DLC1: variants seen among roughly 807,000 people sequenced by gnomAD.
DLC1 encodes the protein DLC1 Rho GTPase activating protein.
DLC1 carries 54 observed loss-of-function variants against 140.3 expected under a neutral mutation model. That is an observed-to-expected ratio of 0.38 (90% confidence interval 0.31 to 0.48). DLC1 has a LOEUF of 0.48. Among genes scored for constraint, DLC1 ranks in the 20% least tolerant of loss-of-function variants. The pLI, the probability that DLC1 is intolerant of heterozygous loss-of-function variation, is 0.96. For missense variants in DLC1, 2,536 were observed against 1,907.0 expected (o/e 1.33, Z -6.14); for synonymous variants, 986 against 728.1 (o/e 1.35, Z -5.70).
At chr8:13,601,497 G>T (rs540698297) in intron 1 of DLC1, among the ~76,000 whole-genome samples, 1 of 151,834 alleles carries the variant, frequency 6.6e-6, no homozygotes, top group East Asian at 1.9e-4. Flanking sequence ...CCTTATTTTT[G>T]ATTTCTGGAA....
At chr8:13,246,490 G>T (rs1175987010) in intron 5 of DLC1, among the ~76,000 whole-genome samples, 2 of 152,106 alleles carry the variant, frequency 1.3e-5, no homozygotes, top group African/African-American at 4.8e-5. Context: ...CATTCTTACG[G>T]AGAGAGAAGG....
intron 5 of DLC1, among the ~76,000 whole-genome samples, chr8:13,239,117 TG>T (rs1653690887): frequency 6.6e-6 from 1 of 152,160 alleles, no homozygotes; most frequent in Non-Finnish European, 1.5e-5. Flanking sequence ...TGTGCGTATC[TG>T]GGGTCATAGG....
chr8:13,240,558 T>C (rs926224842), intron 5 of DLC1, among the ~76,000 whole-genome samples: 1 of 152,126 alleles, frequency 6.6e-6, no homozygotes, highest in African/African-American at 2.4e-5. Context: ...CCCAAGTAGC[T>C]GGGACTACAG....
chr8:13,115,804 GA>G, intron 5 of DLC1, 147 bp from the exon 6 acceptor site: 1 of 711,706 alleles, frequency 1.4e-6, no homozygotes, highest in Non-Finnish European at 2.3e-6. Flanking sequence ...CGCTTAATTC[GA>G]ATGGTTTACA....
At chr8:13,355,934 A>G (rs1425453060) in intron 4 of DLC1, among the ~76,000 whole-genome samples, 1 of 151,296 alleles carries the variant, frequency 6.6e-6, no homozygotes, top group East Asian at 2.0e-4. Flanking sequence ...AAAAAAATTC[A>G]AAAAAATTAG....
chr8:13,401,483 C>G lies in DLC1; in HGVS notation c.1160G>C (p.Arg387Pro), dbSNP rs779069462. ...TGGAAAGCTCACAGGAACGTGCCGC[C>G]GCAGGTTTGTTGGTGTGCCTGATGG... Reference protein sequence around the residue: ...SSPSGTPTNLRRHVPDLESGS... With the variant: ...SSPSGTPTNLPRHVPDLESGS... Residue 387 changes from arginine (R) to proline (P), a missense_variant, in exon 3 of 18, where the codon CGG becomes CCG. By Grantham distance (103) the Arg-to-Pro change is moderately radical. Transcript: ENST00000276297. 1.2e-6 allele frequency: 2 copies of G among 1,612,254 alleles called. No individual in the cohort carries two copies. The highest frequency in any genetic ancestry group is 1.7e-6 in the Non-Finnish European group (2 of 1,179,990).
At chr8:13,597,851 T>G (rs751277945) in intron 1 of DLC1, among the ~76,000 whole-genome samples, 10 of 152,144 alleles carry the variant, frequency 6.6e-5, no homozygotes, top group Non-Finnish European at 1.3e-4. Context: ...ATTTTTAATT[T>G]GAATTGCTAC....
At chr8:13,386,724 C>T (rs1836535545) in intron 4 of DLC1, among the ~76,000 whole-genome samples, 2 of 152,018 alleles carry the variant, frequency 1.3e-5, no homozygotes, top group African/African-American at 2.4e-5. Context: ...GAATGAAATC[C>T]TCTGTGCTTT....
At chr8:13,274,020 GA>G (rs1831061072) in intron 5 of DLC1, among the ~76,000 whole-genome samples, 1 of 152,112 alleles carries the variant, frequency 6.6e-6, no homozygotes, top group Non-Finnish European at 1.5e-5. Context: ...ACAACATAAA[GA>G]AAAGGGTTTG....
intron 4 of DLC1, among the ~76,000 whole-genome samples, chr8:13,313,131 C>T (rs1832746540): frequency 1.3e-5 from 2 of 152,160 alleles, no homozygotes; most frequent in South Asian, 4.1e-4. Context: ...TTTTTACTTA[C>T]AGCACTGTTT....
chr8:13,209,594 G>C (rs1436497156), intron 5 of DLC1, among the ~76,000 whole-genome samples: 1 of 152,126 alleles, frequency 6.6e-6, no homozygotes, highest in Admixed American at 6.5e-5. Context: ...AGTGTTGGAG[G>C]TGGGACCTGG....
intron 5 of DLC1, among the ~76,000 whole-genome samples, chr8:13,220,988 T>G (rs1828517159): frequency 6.6e-6 from 1 of 152,024 alleles, no homozygotes; most frequent in Admixed American, 6.6e-5. Flanking sequence ...GGGTGTTAGG[T>G]GATCACATTT....
At chr8:13,156,879 G>C (rs1421106655) in intron 5 of DLC1, among the ~76,000 whole-genome samples, 1 of 152,152 alleles carries the variant, frequency 6.6e-6, no homozygotes, top group Non-Finnish European at 1.5e-5. Context: ...TATTTTCCGA[G>C]AATACATTCG....
intron 2 of DLC1, among the ~76,000 whole-genome samples, chr8:13,416,434 C>G (rs903841487): frequency 6.6e-6 from 1 of 151,922 alleles, no homozygotes; most frequent in Non-Finnish European, 1.5e-5. Flanking sequence ...ATATACAAAA[C>G]ATATAAAAGA....
At chr8:13,231,352 A>G (rs1829038896) in intron 5 of DLC1, among the ~76,000 whole-genome samples, 1 of 152,230 alleles carries the variant, frequency 6.6e-6, no homozygotes, top group African/African-American at 2.4e-5. Context: ...TCAGGCTTCT[A>G]GATTTCCCAC....
At chr8:13,129,169 A>G (rs1347146721) in intron 5 of DLC1, among the ~76,000 whole-genome samples, 4 of 152,230 alleles carry the variant, frequency 2.6e-5, no homozygotes, top group African/African-American at 7.2e-5. Context: ...CGCTCATTCA[A>G]CGCAGTAACT....
intron 4 of DLC1, among the ~76,000 whole-genome samples, chr8:13,359,069 G>A (rs1231367665): frequency 6.6e-6 from 1 of 152,210 alleles, no homozygotes; most frequent in South Asian, 2.1e-4. Flanking sequence ...CTCCCAGGTA[G>A]CTGAGACTAC....
chr8:13,163,577 C>T (rs888810657), intron 5 of DLC1, among the ~76,000 whole-genome samples: 4 of 152,004 alleles, frequency 2.6e-5, no homozygotes, highest in Non-Finnish European at 5.9e-5. Context: ...AGTAGTGATA[C>T]ATTGTGGTGG....
intron 2 of DLC1, among the ~76,000 whole-genome samples, chr8:13,440,213 T>G (rs1036175461): frequency 3.3e-5 from 5 of 152,224 alleles, no homozygotes; most frequent in Non-Finnish European, 5.9e-5. Flanking sequence ...CGGTGTATCT[T>G]GTAGAAATAG....
Sources: allele counts gnomAD v4.1 joint callset (sites outside exome capture counted in the v4.1 genomes callset), GRCh38; gene constraint gnomAD v4.1.1; transcripts MANE v1.5; gene names NCBI Gene and HGNC (gene_info 2026-07-23, HGNC 2026-07-21).